The following POLR3B variants were observed in gnomAD, a reference collection of about 807,000 sequenced individuals.
POLR3B encodes DNA-directed RNA polymerase III subunit RPC2.
POLR3B carries 96 observed loss-of-function variants against 147.4 expected under a neutral mutation model. The ratio of observed to expected loss-of-function variants is 0.65; its 90% CI spans 0.55 to 0.77. The LOEUF (loss-of-function observed/expected upper bound fraction) is 0.77. Ranked by LOEUF, POLR3B falls within the 30% of genes least tolerant of loss-of-function variation. The pLI is 0.00. For missense variants in POLR3B, 1,036 were observed against 1,413.5 expected (o/e 0.73, Z 4.28); for synonymous variants, 461 against 485.9 (o/e 0.95, Z 0.67).
intron 23 of POLR3B, among the ~76,000 whole-genome samples, chr12:106,482,515 G>C (rs1449744238): frequency 6.6e-6 from 1 of 152,086 alleles, no homozygotes; most frequent in Non-Finnish European, 1.5e-5. Context: ...GAGAGAGAAG[G>C]GGGAGGTGCT....
chr12:106,422,203 C>T (rs1321092253), intron 12 of POLR3B, among the ~76,000 whole-genome samples: 5 of 152,084 alleles, frequency 3.3e-5, no homozygotes, highest in African/African-American at 1.2e-4. Context: ...GGCTTAGCAC[C>T]ATCCTCCTAG....
chr12:106,487,939 C>G (rs2038362227), intron 23 of POLR3B, among the ~76,000 whole-genome samples: 1 of 152,120 alleles, frequency 6.6e-6, no homozygotes. Flanking sequence ...TGCAGTTGGT[C>G]AGAGGAGGCC....
intron 19 of POLR3B, among the ~76,000 whole-genome samples, chr12:106,450,081 A>C (rs1028886784): frequency 2.6e-5 from 4 of 152,232 alleles, no homozygotes; most frequent in Non-Finnish European, 5.9e-5. Context: ...GTCCAGAAAT[A>C]GACTCAAACA....
At chr12:106,359,331 A>ATT (rs35229993) in intron 1 of POLR3B, among the ~76,000 whole-genome samples, 7,950 of 134,866 alleles carry the variant, frequency 0.059, 396 homozygotes, top group Admixed American at 0.1. Flanking sequence ...AGGCAAAACT[A>ATT]TTTTTTTTTT....
intron 9 of POLR3B, among the ~76,000 whole-genome samples, chr12:106,391,130 T>G (rs1451340830): frequency 1.3e-5 from 2 of 152,216 alleles, no homozygotes; most frequent in African/African-American, 4.8e-5. Flanking sequence ...GAGAATCTAC[T>G]TCCAGGATAA....
chr12:106,402,392 A>C (rs1467864252), intron 10 of POLR3B, among the ~76,000 whole-genome samples: 1 of 152,190 alleles, frequency 6.6e-6, no homozygotes, highest in Admixed American at 6.5e-5. Flanking sequence ...TGCCCAAGGT[A>C]ATTTATAGAT....
intron 1 of POLR3B, among the ~76,000 whole-genome samples, chr12:106,359,332 T>C (rs934939497): frequency 1.9e-4 from 1 of 5,192 alleles, no homozygotes; most frequent in South Asian, 6.8e-3. Context: ...GGCAAAACTA[T>C]TTTTTTTTTT....
chr12:106,361,301 T>G (rs940240124), intron 1 of POLR3B, among the ~76,000 whole-genome samples: 1 of 152,182 alleles, frequency 6.6e-6, no homozygotes, highest in African/African-American at 2.4e-5. Context: ...CTCAGTAGAA[T>G]TTTTGTTTTC....
intron 20 of POLR3B, among the ~76,000 whole-genome samples, chr12:106,456,624 A>C (rs905486737): frequency 6.6e-6 from 1 of 152,162 alleles, no homozygotes; most frequent in African/African-American, 2.4e-5. Context: ...GAAGTTATGC[A>C]CCAAAAGGAT....
At chr12:106,419,161 T>C (rs906124299) in intron 12 of POLR3B, among the ~76,000 whole-genome samples, 5 of 152,192 alleles carry the variant, frequency 3.3e-5, no homozygotes, top group African/African-American at 1.2e-4. Context: ...CTCACCCCTC[T>C]GCACCTGCTT....
At chr12:106,392,313 C>T (rs1223198605) in intron 9 of POLR3B, among the ~76,000 whole-genome samples, 1 of 152,172 alleles carries the variant, frequency 6.6e-6, no homozygotes, top group African/African-American at 2.4e-5. Context: ...CAGGCACATG[C>T]CAACACATCT....
At chr12:106,435,208 G>T (rs2037561631) in intron 16 of POLR3B, among the ~76,000 whole-genome samples, 1 of 151,450 alleles carries the variant, frequency 6.6e-6, no homozygotes, top group Non-Finnish European at 1.5e-5. Flanking sequence ...AGTCACTGCA[G>T]CCTCCGCCTC....
At chr12:106,377,980 C>T (rs1178334748) in intron 7 of POLR3B, among the ~76,000 whole-genome samples, 7 of 152,112 alleles carry the variant, frequency 4.6e-5, no homozygotes, top group Non-Finnish European at 1.0e-4. Flanking sequence ...CCTAGCTACT[C>T]GGGAGACTGG....
At chr12:106,445,882 A>G (rs191339617) in intron 19 of POLR3B, among the ~76,000 whole-genome samples, 27 of 152,346 alleles carry the variant, frequency 1.8e-4, no homozygotes, top group African/African-American at 6.3e-4. Context: ...CTATTTCTTC[A>G]TTATGGATAG....
At chr12:106,477,871 C>G (rs1219849940) in intron 23 of POLR3B, among the ~76,000 whole-genome samples, 4 of 133,238 alleles carry the variant, frequency 3.0e-5, no homozygotes, top group Non-Finnish European at 6.3e-5. Context: ...TGTTCCTATT[C>G]GGCCATCTTG....
chr12:106,501,445 A>C lies in POLR3B; in HGVS notation c.3098+9A>C. ...CGAGCCGTCCTTACCAGGTAAGAGA[A>C]AAGTACTTACAAAAAGAATTGATAA... On this transcript the variant is annotated intron_variant, in intron 26 of 27. Coordinates refer to ENST00000228347, the MANE Select transcript of POLR3B (RefSeq NM_018082.6). The C allele has an allele frequency of 1.3e-6, 2 of 1,502,946 alleles. No individual in the cohort carries two copies. The highest frequency in any genetic ancestry group is 2.3e-5 in the South Asian group (2 of 88,724). 93.1% of individuals were successfully genotyped at this position (1,502,946 alleles called of 1,614,324 possible).
At chr12:106,390,703 C>CAAA (rs35671254) in intron 9 of POLR3B, among the ~76,000 whole-genome samples, 4 of 117,472 alleles carry the variant, frequency 3.4e-5, no homozygotes, top group African/African-American at 8.4e-5. Context: ...AACTTGTTTG[C>CAAA]AAAAAAAAAA....
At chr12:106,444,863 A>T (rs2037701170) in intron 19 of POLR3B, among the ~76,000 whole-genome samples, 1 of 152,194 alleles carries the variant, frequency 6.6e-6, no homozygotes, top group Non-Finnish European at 1.5e-5. Context: ...CAGAATTAAG[A>T]GGGATAAATA....
At chr12:106,423,854 G>A (rs2037401989) in intron 12 of POLR3B, among the ~76,000 whole-genome samples, 2 of 150,010 alleles carry the variant, frequency 1.3e-5, no homozygotes, top group South Asian at 4.2e-4. Flanking sequence ...TCCTTATGGT[G>A]TCTTTTTTTT....
Sources: gnomAD v4.1 joint callset for allele counts (sites outside exome capture counted in the v4.1 genomes callset) on GRCh38, gnomAD v4.1.1 for gene constraint, MANE v1.5 for transcripts, NCBI Gene and HGNC (gene_info 2026-07-23, HGNC 2026-07-21) for gene names.